RASSF9: variants seen among roughly 807,000 people sequenced by gnomAD.
RASSF9 encodes ras association domain-containing protein 9.
A neutral mutation model predicts 21.4 loss-of-function variants in RASSF9; 18 were observed. The ratio of observed to expected loss-of-function variants is 0.84; its 90% CI spans 0.58 to 1.25. The LOEUF (loss-of-function observed/expected upper bound fraction) is 1.25. Among genes scored for constraint, RASSF9 ranks in the 50% most tolerant of loss-of-function variants. The probability of loss-of-function intolerance (pLI) is 0.00; values close to 1 mark genes in which losing one functional copy is unlikely to be tolerated. For missense variants in RASSF9, 480 were observed against 503.2 expected, an observed-to-expected ratio of 0.95 and a Z score of 0.44; for synonymous variants, 183 against 179.1, an observed-to-expected ratio of 1.02 and a Z score of -0.18.
chr12:85,814,565 A>G (rs1401502829), intron 1 of RASSF9, among the ~76,000 whole-genome samples: 2 of 152,022 alleles, frequency 1.3e-5, no homozygotes, highest in Non-Finnish European at 2.9e-5. Flanking sequence ...AAAATTTATT[A>G]AAGCAAAAAT....
At chr12:85,819,259 C>T (rs116627197) in intron 1 of RASSF9, among the ~76,000 whole-genome samples, 1,697 of 151,478 alleles carry the variant, frequency 0.011, 25 homozygotes, top group African/African-American at 0.039. Context: ...GTTGCTGGAG[C>T]TGGTCCCATA....
chr12:85,809,108 G>C (rs1480037595), intron 1 of RASSF9, among the ~76,000 whole-genome samples: 2 of 152,112 alleles, frequency 1.3e-5, no homozygotes, highest in Non-Finnish European at 2.9e-5. Flanking sequence ...AAGAAAGAGA[G>C]GCACAAGAGG....
Position 85,836,203 on chromosome 12 carries a change from G to T in RASSF9, c.-2C>A, listed in dbSNP as rs1335613428. Reference sequence around the variant, plus strand: ...CAAGTTTCTTCCAAAGGGAGCCATGGTCTGTCGGGCAAACGAATAAAGAAA... The same window carrying T: ...CAAGTTTCTTCCAAAGGGAGCCATGTTCTGTCGGGCAAACGAATAAAGAAA... On this transcript the variant is annotated 5_prime_UTR_variant, in exon 1 of 2. Transcript: ENST00000361228. The T allele has an allele frequency of 1.3e-6, 2 of 1,520,702 alleles. No homozygotes were observed. The highest frequency in any genetic ancestry group is 1.8e-6 in the Non-Finnish European group (2 of 1,128,880). 94.2% of individuals were successfully genotyped at this position (1,520,702 alleles called of 1,614,324 possible).
chr12:85,814,604 A>C (rs2136554710), intron 1 of RASSF9, among the ~76,000 whole-genome samples: 1 of 152,184 alleles, frequency 6.6e-6, no homozygotes, highest in South Asian at 2.1e-4. Context: ...ACCAATCTCA[A>C]GTAGTCTAAA....
chr12:85,816,307 G>GT (rs1183692321), intron 1 of RASSF9, among the ~76,000 whole-genome samples: 19 of 129,366 alleles, frequency 1.5e-4, no homozygotes, highest in Non-Finnish European at 2.3e-4. Context: ...GAACTTAAAA[G>GT]TTAAAAAAAA....
rs539653157 is a variant in RASSF9, at chr12:85,800,979, TA to T, written c.*3722del. The stretch of plus-strand genomic sequence containing the variant: ...GTAGATATTTAAATAAATATAAAAA[TA>T]AAATTTTAATGGATTAGAATAGCTT... On this transcript the variant is annotated 3_prime_UTR_variant, in exon 2 of 2. Coordinates refer to ENST00000361228, the MANE Select transcript of RASSF9 (RefSeq NM_005447.4). 2.3e-3 allele frequency: 353 copies of T among 151,948 alleles called. 1 individual carries two copies. Among genetic ancestry groups the T allele is most frequent in the African/African-American group, 8.3e-3 (343 of 41,546 alleles). The allele number at this position is 151,948 out of a possible 1,614,324, so 9.4% of individuals were successfully genotyped here.
chr12:85,834,263 C>T (rs1018092032), intron 1 of RASSF9, among the ~76,000 whole-genome samples: 5 of 151,238 alleles, frequency 3.3e-5, no homozygotes, highest in Non-Finnish European at 5.9e-5. Flanking sequence ...CTTACTATTG[C>T]CACCTTTTCC....
chr12:85,832,445 C>A (rs1283297011), intron 1 of RASSF9, among the ~76,000 whole-genome samples: 1 of 151,850 alleles, frequency 6.6e-6, no homozygotes, highest in Non-Finnish European at 1.5e-5. Flanking sequence ...TACAAAATTT[C>A]TGATTGCTAT....
At chr12:85,808,144 T>C (rs34664635) in intron 1 of RASSF9, among the ~76,000 whole-genome samples, 5,107 of 151,868 alleles carry the variant, frequency 0.034, 121 homozygotes, top group Non-Finnish European at 0.048. Flanking sequence ...ATTAATTCTA[T>C]GTTGCTATCT....
intron 1 of RASSF9, among the ~76,000 whole-genome samples, chr12:85,833,865 T>C (rs1880506199): frequency 6.6e-6 from 1 of 152,032 alleles, no homozygotes; most frequent in African/African-American, 2.4e-5. Context: ...ATAACTGTCT[T>C]ATCATAAATC....
rs1235538976 is a variant in RASSF9, at chr12:85,805,253, C to T, written c.757G>A (p.Glu253Lys). ...VEQNLDLQYEENQTLEDLSES... is the reference protein window; with the variant it reads ...VEQNLDLQYEKNQTLEDLSES... ...CTCAGGTCCTCCAGAGTCTGGTTTT[C>T]CTCATACTGCAAGTCTAGATTTTGC... Residue 253 changes from glutamate to lysine, a missense_variant, in exon 2 of 2, where the codon GAA (glutamate) becomes AAA (lysine). By Grantham distance (56) the Glu-to-Lys change is moderately conservative. Coordinates refer to ENST00000361228, the MANE Select transcript of RASSF9 (RefSeq NM_005447.4). 6.2e-7 allele frequency: 1 copy of T among 1,613,566 alleles called. No homozygotes were observed. The highest frequency in any genetic ancestry group is 8.5e-7 in the Non-Finnish European group (1 of 1,179,902).
chr12:85,815,527 A>G (rs1880043467), intron 1 of RASSF9, among the ~76,000 whole-genome samples: 1 of 152,154 alleles, frequency 6.6e-6, no homozygotes, highest in Non-Finnish European at 1.5e-5. Flanking sequence ...ACTGTCTTCC[A>G]CAATGACTGA....
intron 1 of RASSF9, among the ~76,000 whole-genome samples, chr12:85,833,492 A>T (rs988173517): frequency 1.3e-5 from 2 of 151,714 alleles, no homozygotes; most frequent in African/African-American, 4.8e-5. Flanking sequence ...TGTCTCTAAA[A>T]CTCTCAACTA....
Position 85,805,746 on chromosome 12 carries a change from C to A in RASSF9, c.264G>T (p.Arg88Ser), listed in dbSNP as rs1371000829. ...CIIEKWRGSE[R>S]VLPPLTRILK... is the part of the protein sequence containing the mutation. The stretch of plus-strand genomic sequence containing the variant: ...GGATTCTAGTTAGTGGAGGAAGAAC[C>A]CTTTCGGAGCCTCTCCACTTCTCTA... Residue 88 changes from arginine (R) to serine (S), a missense_variant, in exon 2 of 2, where the codon AGG becomes AGT. Transcript: ENST00000361228. 1.2e-6 allele frequency: 2 copies of A among 1,613,794 alleles called. No individual in the cohort carries two copies. Among genetic ancestry groups the A allele is most frequent in the Non-Finnish European group, 1.7e-6 (2 of 1,179,822 alleles).
At chr12:85,809,938 A>G (rs2136552032) in intron 1 of RASSF9, among the ~76,000 whole-genome samples, 1 of 150,670 alleles carries the variant, frequency 6.6e-6, no homozygotes, top group Non-Finnish European at 1.5e-5. Context: ...CAAAACTATC[A>G]TTTTCTTTTT....
intron 1 of RASSF9, among the ~76,000 whole-genome samples, chr12:85,828,812 C>T (rs1460193969): frequency 6.6e-6 from 1 of 152,086 alleles, no homozygotes; most frequent in East Asian, 1.9e-4. Flanking sequence ...GATGAAACCT[C>T]AAAATTCTAC....
At chr12:85,819,867 G>C (rs1880169202) in intron 1 of RASSF9, among the ~76,000 whole-genome samples, 1 of 152,166 alleles carries the variant, frequency 6.6e-6, no homozygotes, top group Non-Finnish European at 1.5e-5. Context: ...ACCTTGTCTA[G>C]ATATTTAAAT....
intron 1 of RASSF9, among the ~76,000 whole-genome samples, chr12:85,816,618 A>G (rs896318518): frequency 3.9e-5 from 6 of 152,210 alleles, no homozygotes; most frequent in African/African-American, 1.4e-4. Context: ...AAACAAAACC[A>G]GAATTAGTAC....
intron 1 of RASSF9, among the ~76,000 whole-genome samples, chr12:85,822,523 T>C (rs1287783483): frequency 3.3e-5 from 5 of 152,060 alleles, no homozygotes; most frequent in Non-Finnish European, 5.9e-5. Flanking sequence ...GAAACGAGAG[T>C]ATATCAGGGC....
Sources: gnomAD v4.1 joint callset for allele counts (sites outside exome capture counted in the v4.1 genomes callset) on GRCh38, gnomAD v4.1.1 for gene constraint, MANE v1.5 for transcripts, NCBI Gene and HGNC (gene_info 2026-07-23, HGNC 2026-07-21) for gene names.